The following CNTN3 variants were observed in gnomAD, a reference collection of about 807,000 sequenced individuals.
CNTN3 encodes the protein contactin-3.
Under a neutral mutation model 119.1 loss-of-function variants are expected in CNTN3, and 60 were observed. The observed-to-expected ratio is 0.50, with a 90% CI of 0.41 to 0.62. CNTN3 has a LOEUF of 0.62. Ranked by LOEUF, CNTN3 falls within the 20% of genes least tolerant of loss-of-function variation. The pLI, the probability that CNTN3 is intolerant of heterozygous loss-of-function variation, is 0.00. For missense variants in CNTN3, 1,101 were observed against 1,242.4 expected (o/e 0.89, Z 1.71); for synonymous variants, 450 against 438.7 (o/e 1.03, Z -0.32).
chr3:74,371,499 T>C (rs1256075245), intron 5 of CNTN3, 100 bp from the exon 6 acceptor site: 10 of 803,786 alleles, frequency 1.2e-5, no homozygotes, highest in Non-Finnish European at 2.0e-5. Flanking sequence ...TACTTCCAAG[T>C]AGTGCTGAGT....
chr3:74,583,444 C>T (rs1338720207), intron 1 of CNTN3, among the ~76,000 whole-genome samples: 2 of 151,866 alleles, frequency 1.3e-5, no homozygotes, highest in African/African-American at 2.4e-5. Context: ...ATAGGATGCT[C>T]AGCAAAACAG....
At chr3:74,448,915 T>C (rs1463725837) in intron 4 of CNTN3, among the ~76,000 whole-genome samples, 1 of 152,152 alleles carries the variant, frequency 6.6e-6, no homozygotes, top group East Asian at 1.9e-4. Context: ...CTGATAATTG[T>C]ATATACTTTC....
intron 2 of CNTN3, among the ~76,000 whole-genome samples, chr3:74,503,395 T>C (rs925178326): frequency 1.3e-5 from 2 of 152,064 alleles, no homozygotes; most frequent in Non-Finnish European, 2.9e-5. Context: ...CTCTGACGCC[T>C]CTTAAAAAGT....
At chr3:74,413,833 C>G (rs1701476695) in intron 5 of CNTN3, among the ~76,000 whole-genome samples, 1 of 152,140 alleles carries the variant, frequency 6.6e-6, no homozygotes, top group Non-Finnish European at 1.5e-5. Flanking sequence ...TAAATAAAAG[C>G]CGAATCTCAA....
intron 1 of CNTN3, among the ~76,000 whole-genome samples, chr3:74,588,108 G>A (rs1344854597): frequency 6.6e-6 from 1 of 151,820 alleles, no homozygotes; most frequent in Non-Finnish European, 1.5e-5. Context: ...ATTGATTTGT[G>A]TATATTGCAT....
At position 74,521,052 on chromosome 3, in the gene CNTN3, T is replaced by C; in HGVS notation, c.55+6A>G. On this transcript the variant is annotated splice_donor_region_variant and intron_variant, in intron 2 of 22. Transcript: ENST00000263665. ...TCAACTTAGAAAATATAGGATTTTT[T>C]TTTACCTCCTAAGCAGCCAATGAAT... The C allele has an allele frequency of 6.3e-7, 1 of 1,576,318 alleles. No homozygotes were observed. Among genetic ancestry groups the C allele is most frequent in the Non-Finnish European group, 8.6e-7 (1 of 1,156,296 alleles).
chr3:74,286,308 G>A (rs561052593), intron 19 of CNTN3, among the ~76,000 whole-genome samples: 11 of 152,218 alleles, frequency 7.2e-5, no homozygotes, highest in Admixed American at 2.0e-4. Flanking sequence ...GCTGGAATAC[G>A]CTGATCTGAA....
intron 4 of CNTN3, among the ~76,000 whole-genome samples, chr3:74,457,569 G>A (rs1702293674): frequency 6.6e-6 from 1 of 151,544 alleles, no homozygotes. Flanking sequence ...TAGCGGAGAG[G>A]AGACGCTATG....
At chr3:74,524,625 G>A (rs1312286702) in intron 1 of CNTN3, among the ~76,000 whole-genome samples, 1 of 151,728 alleles carries the variant, frequency 6.6e-6, no homozygotes, top group African/African-American at 2.4e-5. Context: ...TTATTAGGTG[G>A]CAGATAGGCT....
chr3:74,532,757 A>G (rs1330572080), intron 1 of CNTN3, among the ~76,000 whole-genome samples: 1 of 152,026 alleles, frequency 6.6e-6, no homozygotes, highest in Non-Finnish European at 1.5e-5. Flanking sequence ...TCCATTTAAT[A>G]TTTTTGGACT....
intron 2 of CNTN3, among the ~76,000 whole-genome samples, chr3:74,500,508 CAAA>C (rs57458348): frequency 7.1e-6 from 1 of 140,912 alleles, no homozygotes; most frequent in Non-Finnish European, 1.5e-5. Context: ...CAAATTCGCC[CAAA>C]AAAAAAAAAA....
chr3:74,441,660 T>G (rs960991838), intron 4 of CNTN3, among the ~76,000 whole-genome samples: 4 of 152,120 alleles, frequency 2.6e-5, no homozygotes, highest in Non-Finnish European at 4.4e-5. Context: ...GAGGATAAAA[T>G]GAGATGAAAA....
chr3:74,424,474 C>CAGAGAGAGAGAGAG (rs71625974), intron 5 of CNTN3, among the ~76,000 whole-genome samples: 2,492 of 142,408 alleles, frequency 0.017, 22 homozygotes, highest in African/African-American at 0.033. Context: ...GTGTGTGTGA[C>CAGAGAGAGAGAGAG]AGAGAGAGAG....
At chr3:74,339,578 T>C (rs942208263) in intron 11 of CNTN3, among the ~76,000 whole-genome samples, 1 of 152,236 alleles carries the variant, frequency 6.6e-6, no homozygotes. Flanking sequence ...AATTACATAT[T>C]TGTGTTCTTA....
intron 1 of CNTN3, among the ~76,000 whole-genome samples, chr3:74,531,872 T>A (rs778840242): frequency 6.6e-6 from 1 of 151,918 alleles, no homozygotes; most frequent in Non-Finnish European, 1.5e-5. Flanking sequence ...CCTTCTAGTA[T>A]GATGGAAACA....
At chr3:74,577,943 T>C (rs1373434852) in intron 1 of CNTN3, among the ~76,000 whole-genome samples, 1 of 152,102 alleles carries the variant, frequency 6.6e-6, no homozygotes, top group Non-Finnish European at 1.5e-5. Context: ...CTGATGAAAG[T>C]TGCATTTTAA....
At chr3:74,340,780 C>T (rs1410452284) in intron 11 of CNTN3, among the ~76,000 whole-genome samples, 1 of 151,964 alleles carries the variant, frequency 6.6e-6, no homozygotes, top group African/African-American at 2.4e-5. Context: ...GATTAGTAAG[C>T]CTTAAAACAA....
intron 5 of CNTN3, among the ~76,000 whole-genome samples, chr3:74,383,555 G>C (rs970675132): frequency 7.2e-5 from 11 of 152,062 alleles, no homozygotes; most frequent in African/African-American, 2.7e-4. Context: ...GCAAGATCAT[G>C]GCTCACTGCA....
At chr3:74,310,376 T>C (rs1262340752) in intron 13 of CNTN3, among the ~76,000 whole-genome samples, 1 of 152,170 alleles carries the variant, frequency 6.6e-6, no homozygotes, top group Non-Finnish European at 1.5e-5. Context: ...TTTTTTTTTC[T>C]GTTCAGTAAT....
Sources: gnomAD v4.1 joint callset for allele counts (sites outside exome capture counted in the v4.1 genomes callset) on GRCh38, gnomAD v4.1.1 for gene constraint, MANE v1.5 for transcripts, NCBI Gene and HGNC (gene_info 2026-07-23, HGNC 2026-07-21) for gene names.